Variants in ANXA4 observed in about 807,000 individuals in gnomAD.
ANXA4 encodes 35-beta calcimedin.
Under a neutral mutation model 49.8 loss-of-function variants are expected in ANXA4, and 39 were observed. The ratio of observed to expected loss-of-function variants is 0.78; its 90% CI spans 0.61 to 1.02. ANXA4 has a LOEUF of 1.02. Ranked by LOEUF, ANXA4 falls within the 50% of genes least tolerant of loss-of-function variation. ANXA4 has a pLI of 0.00. For missense variants in ANXA4, 360 were observed against 410.1 expected, an observed-to-expected ratio of 0.88 and a Z score of 1.05; for synonymous variants, 134 against 152.5, an observed-to-expected ratio of 0.88 and a Z score of 0.89.
chr2:69,698,997 ATAGAC>A (rs996853032), intron 2 of ANXA4, among the ~76,000 whole-genome samples: 2 of 152,224 alleles, frequency 1.3e-5, no homozygotes, highest in African/African-American at 4.8e-5. Flanking sequence ...AGCCTGGAAA[ATAGAC>A]TATACTAATA....
chr2:69,753,062 C>T (rs564224271), intron 1 of ANXA4, among the ~76,000 whole-genome samples: 1 of 152,310 alleles, frequency 6.6e-6, no homozygotes, highest in East Asian at 1.9e-4. Flanking sequence ...CCATCTTCCC[C>T]TACCCTGCAA....
chr2:69,766,418 CTT>C (rs1671495536), intron 1 of ANXA4, among the ~76,000 whole-genome samples: 1 of 152,122 alleles, frequency 6.6e-6, no homozygotes, highest in Non-Finnish European at 1.5e-5. Context: ...GTTATTAACT[CTT>C]TGTTACCCAT....
intron 8 of ANXA4, 105 bp downstream of exon 8, chr2:69,812,814 G>T (rs1673766817): frequency 3.1e-6 from 3 of 962,732 alleles, no homozygotes; most frequent in Middle Eastern, 2.1e-4. Context: ...TATTAGCCAG[G>T]CTTGGATATG....
chr2:69,772,140 T>C (rs1350565529), intron 1 of ANXA4, among the ~76,000 whole-genome samples: 1 of 152,222 alleles, frequency 6.6e-6, no homozygotes, highest in Admixed American at 6.5e-5. Flanking sequence ...CTTTTAGAGT[T>C]ATTTGAATCA....
chr2:69,644,160 T>C (rs1249631878), upstream of ANXA4, among the ~76,000 whole-genome samples: 14 of 41,954 alleles, frequency 3.3e-4, no homozygotes, highest in East Asian at 7.4e-4. Flanking sequence ...TGCCAACAAC[T>C]AAGTTCCCCC....
chr2:69,777,146 G>T (rs4852330), intron 1 of ANXA4, among the ~76,000 whole-genome samples: 50,462 of 151,960 alleles, frequency 0.33, 9,565 homozygotes, highest in Admixed American at 0.48. Context: ...CTCTCCAGGC[G>T]CACGTCTTCC....
At chr2:69,718,264 C>T (rs1019661475) in intron 2 of ANXA4, among the ~76,000 whole-genome samples, 8 of 152,218 alleles carry the variant, frequency 5.3e-5, no homozygotes, top group Admixed American at 5.2e-4. Context: ...GGAAAGGTCC[C>T]CCCAGCTGGT....
intron 2 of ANXA4, among the ~76,000 whole-genome samples, chr2:69,686,177 G>A (rs1177068480): frequency 6.6e-6 from 1 of 151,730 alleles, no homozygotes; most frequent in Non-Finnish European, 1.5e-5. Flanking sequence ...ACAGGGTCTT[G>A]TTTTGTTTTG....
At chr2:69,780,526 A>G (rs550059374) in intron 1 of ANXA4, among the ~76,000 whole-genome samples, 1 of 152,274 alleles carries the variant, frequency 6.6e-6, no homozygotes, top group Admixed American at 6.5e-5. Context: ...GTTCCCAGGA[A>G]TGCATGTACT....
chr2:69,797,255 G>T (rs930515842), intron 3 of ANXA4, among the ~76,000 whole-genome samples: 1 of 152,076 alleles, frequency 6.6e-6, no homozygotes, highest in Non-Finnish European at 1.5e-5. Context: ...GGGAGGAGGG[G>T]ACACAGTAGG....
chr2:69,776,422 T>C (rs1671964896), intron 1 of ANXA4, among the ~76,000 whole-genome samples: 1 of 152,178 alleles, frequency 6.6e-6, no homozygotes, highest in Non-Finnish European at 1.5e-5. Flanking sequence ...TTCTAGCAAA[T>C]CCCACTTCTG....
Position 69,666,299 on chromosome 2 carries a change from A to C in ANXA4, n.766+13017A>C, listed in dbSNP as rs148371790. 9.2e-5 allele frequency among the ~76,000 whole-genome samples: 14 copies of C among 152,356 alleles called. No homozygotes were observed. The East Asian group carries it at 2.7e-3, about 29-fold the overall frequency. On this transcript the variant is annotated intron_variant and non_coding_transcript_variant, in intron 2 of 3. Transcript: ENST00000418066. ...CAAAACCACAATGAGATACTACTTT[A>C]CAGCCATTGGGGTAGCTGTAATTGA... is the stretch of plus-strand genomic sequence containing the variant.
At chr2:69,656,378 T>G (rs1274493828) in intron 2 of ANXA4, among the ~76,000 whole-genome samples, 3 of 74,586 alleles carry the variant, frequency 4.0e-5, no homozygotes. Context: ...TGTATATATG[T>G]GTATATATAT....
At chr2:69,686,899 A>C (rs1677809824) in intron 2 of ANXA4, among the ~76,000 whole-genome samples, 1 of 152,236 alleles carries the variant, frequency 6.6e-6, no homozygotes, top group Non-Finnish European at 1.5e-5. Flanking sequence ...GGGAGGTGAT[A>C]ACCCTGCTGT....
At chr2:69,715,758 A>G (rs1460212834) in intron 2 of ANXA4, among the ~76,000 whole-genome samples, 8 of 152,230 alleles carry the variant, frequency 5.3e-5, no homozygotes, top group African/African-American at 1.9e-4. Flanking sequence ...GTGCCTATGC[A>G]CAGAGGGCAG....
chr2:69,740,238 C>T (rs1017105848), upstream of ANXA4, among the ~76,000 whole-genome samples: 28 of 151,824 alleles, frequency 1.8e-4, no homozygotes, highest in African/African-American at 6.3e-4. Flanking sequence ...GACAGGTTTT[C>T]GCCATGTAGC....
chr2:69,737,801 A>C (rs1231674692), upstream of ANXA4, among the ~76,000 whole-genome samples: 2 of 152,052 alleles, frequency 1.3e-5, no homozygotes, highest in Non-Finnish European at 2.9e-5. Flanking sequence ...GAAGATCAAT[A>C]ATAGATTTCT....
chr2:69,723,276 CA>C (rs1416590068), intron 3 of ANXA4, among the ~76,000 whole-genome samples: 12 of 151,012 alleles, frequency 7.9e-5, no homozygotes, highest in Non-Finnish European at 2.9e-5. Flanking sequence ...TAAGCTGATT[CA>C]GGGGGAGGTA....
intron 2 of ANXA4, among the ~76,000 whole-genome samples, chr2:69,717,223 A>G (rs1248126059): frequency 6.6e-6 from 1 of 152,144 alleles, no homozygotes; most frequent in Non-Finnish European, 1.5e-5. Context: ...ATCCATATGC[A>G]TTTTGTTTGG....
Sources: gnomAD v4.1 joint callset for allele counts (sites outside exome capture counted in the v4.1 genomes callset) on GRCh38, gnomAD v4.1.1 for gene constraint, MANE v1.5 for transcripts, NCBI Gene and HGNC (gene_info 2026-07-23, HGNC 2026-07-21) for gene names.